The following BICC1 variants were observed in gnomAD, a reference collection of about 807,000 sequenced individuals.
BICC1 encodes the protein protein bicaudal C homolog 1.
Under a neutral mutation model 111.0 loss-of-function variants are expected in BICC1, and 43 were observed. The observed-to-expected ratio is 0.39, with a 90% CI of 0.30 to 0.50. BICC1 has a LOEUF of 0.50. BICC1 is among the 20% of genes least tolerant of loss of function. BICC1 has a pLI of 0.88. For synonymous variants in BICC1, 467 were observed against 434.4 expected (o/e 1.07, Z -0.93); for missense variants, 1,091 against 1,203.2 (o/e 0.91, Z 1.38).
At chr10:58,608,594 A>G (rs1845311072) in intron 1 of BICC1, among the ~76,000 whole-genome samples, 1 of 152,116 alleles carries the variant, frequency 6.6e-6, no homozygotes, top group Admixed American at 6.6e-5. Flanking sequence ...CTCTTCTGTA[A>G]TGTTTTAGTC....
chr10:58,578,382 C>T (rs1315149069), intron 1 of BICC1, among the ~76,000 whole-genome samples: 6 of 152,008 alleles, frequency 3.9e-5, no homozygotes, highest in African/African-American at 1.5e-4. Context: ...TTGTCTTTTC[C>T]AACGTCGGGC....
intron 1 of BICC1, among the ~76,000 whole-genome samples, chr10:58,550,477 T>G (rs534976001): frequency 3.3e-5 from 5 of 152,334 alleles, no homozygotes; most frequent in African/African-American, 1.2e-4. Flanking sequence ...TAAATAATGT[T>G]TTTTTGTATT....
intron 2 of BICC1, among the ~76,000 whole-genome samples, chr10:58,682,624 A>G (rs575751214): frequency 6.6e-6 from 1 of 152,142 alleles, no homozygotes; most frequent in Non-Finnish European, 1.5e-5. Context: ...GCCAGTGATG[A>G]TGAGCATTTT....
chr10:58,641,666 CTT>C (rs1838127772), intron 2 of BICC1, among the ~76,000 whole-genome samples: 1 of 152,048 alleles, frequency 6.6e-6, no homozygotes, highest in Admixed American at 6.6e-5. Flanking sequence ...TTTTAGGAAA[CTT>C]TATAGCCTCT....
chr10:58,754,043 A>G (rs1026049331), intron 3 of BICC1, among the ~76,000 whole-genome samples: 1 of 152,218 alleles, frequency 6.6e-6, no homozygotes, highest in Non-Finnish European at 1.5e-5. Flanking sequence ...GTGTATAAAA[A>G]GGCTACATTC....
intron 2 of BICC1, among the ~76,000 whole-genome samples, chr10:58,688,071 A>G (rs1839797329): frequency 6.6e-6 from 1 of 152,074 alleles, no homozygotes; most frequent in Non-Finnish European, 1.5e-5. Context: ...CGACTTCACG[A>G]GTGAAGCTGC....
At chr10:58,822,751 A>T (rs1193434477) in intron 20 of BICC1, among the ~76,000 whole-genome samples, 1 of 152,146 alleles carries the variant, frequency 6.6e-6, no homozygotes, top group African/African-American at 2.4e-5. Flanking sequence ...TTCTTTCTCC[A>T]GTTCAACTTA....
intron 1 of BICC1, among the ~76,000 whole-genome samples, chr10:58,539,918 A>G (rs111244675): frequency 5.9e-5 from 9 of 152,114 alleles, no homozygotes; most frequent in African/African-American, 1.2e-4. Flanking sequence ...TTGAAGTCAT[A>G]TCAAGTATCT....
At chr10:58,725,683 G>A (rs1043452757) in intron 3 of BICC1, among the ~76,000 whole-genome samples, 16 of 152,124 alleles carry the variant, frequency 1.1e-4, no homozygotes, top group African/African-American at 3.6e-4. Flanking sequence ...TTTTCAGATG[G>A]TGAGCCTGTG....
intron 1 of BICC1, among the ~76,000 whole-genome samples, chr10:58,587,838 G>A (rs374728263): frequency 6.6e-6 from 1 of 152,238 alleles, no homozygotes; most frequent in East Asian, 1.9e-4. Context: ...AGTAACCTAG[G>A]GGTGTGTTTA....
At chr10:58,581,929 G>A (rs1261915476) in intron 1 of BICC1, among the ~76,000 whole-genome samples, 2 of 151,814 alleles carry the variant, frequency 1.3e-5, no homozygotes, top group African/African-American at 2.4e-5. Context: ...TTACGATAAC[G>A]GATTTTTTCA....
At chr10:58,700,771 C>T (rs1840209743) in intron 2 of BICC1, among the ~76,000 whole-genome samples, 2 of 152,170 alleles carry the variant, frequency 1.3e-5, no homozygotes, top group Admixed American at 1.3e-4. Flanking sequence ...TCAGAGCCTG[C>T]TGGCCCTGAC....
intron 1 of BICC1, among the ~76,000 whole-genome samples, chr10:58,551,381 A>G (rs1843291558): frequency 6.6e-6 from 1 of 152,208 alleles, no homozygotes; most frequent in African/African-American, 2.4e-5. Context: ...AAAATTTAAT[A>G]TGTTCATGGT....
At chr10:58,621,045 C>A (rs1845788269) in intron 2 of BICC1, 144 bp downstream of exon 2, 2 of 597,680 alleles carry the variant, frequency 3.3e-6, no homozygotes, top group Non-Finnish European at 5.6e-6. Context: ...TCAGAGCTAG[C>A]CAGGAAAAGA....
At chr10:58,744,548 A>G (rs759951732) in intron 3 of BICC1, among the ~76,000 whole-genome samples, 6 of 152,086 alleles carry the variant, frequency 3.9e-5, no homozygotes, top group Non-Finnish European at 8.8e-5. Context: ...AATATTTTTT[A>G]ATTTTAAAAA....
chr10:58,813,548 AGG>A (rs964835306), intron 17 of BICC1, among the ~76,000 whole-genome samples: 2 of 152,130 alleles, frequency 1.3e-5, no homozygotes, highest in African/African-American at 4.8e-5. Context: ...ATTTTATAGA[AGG>A]GATTATTTAT....
intron 2 of BICC1, among the ~76,000 whole-genome samples, chr10:58,659,781 C>T (rs1440135899): frequency 6.6e-6 from 1 of 151,766 alleles, no homozygotes; most frequent in Non-Finnish European, 1.5e-5. Flanking sequence ...AGTAGAAGCC[C>T]AGAAAATAGT....
chr10:58,633,134 G>C (rs1269748246), intron 2 of BICC1, among the ~76,000 whole-genome samples: 1 of 152,192 alleles, frequency 6.6e-6, no homozygotes, highest in Non-Finnish European at 1.5e-5. Context: ...TAGTGAATAA[G>C]TCTGGGAGAT....
intron 3 of BICC1, among the ~76,000 whole-genome samples, chr10:58,761,266 G>A (rs16912574): frequency 1.4e-3 from 216 of 152,308 alleles, no homozygotes; most frequent in African/African-American, 5.1e-3. Context: ...TACAAAAGGA[G>A]CCGAGTGCGG....
Sources: allele counts gnomAD v4.1 joint callset (sites outside exome capture counted in the v4.1 genomes callset), GRCh38; gene constraint gnomAD v4.1.1; transcripts MANE v1.5; gene names NCBI Gene and HGNC (gene_info 2026-07-23, HGNC 2026-07-21).